The following ABHD17C variants were observed in gnomAD, a reference collection of about 807,000 sequenced individuals.
ABHD17C encodes abhydrolase domain containing 17C, depalmitoylase.
Under a neutral mutation model 27.9 loss-of-function variants are expected in ABHD17C, and 11 were observed. The ratio of observed to expected loss-of-function variants is 0.39; its 90% CI spans 0.25 to 0.65. The LOEUF is 0.65. Among genes scored for constraint, ABHD17C ranks in the 30% least tolerant of loss-of-function variants. The pLI is 0.45. For synonymous variants in ABHD17C, 233 were observed against 209.1 expected (o/e 1.11, Z -0.98); for missense variants, 280 against 470.2 (o/e 0.60, Z 3.74).
At chr15:80,738,936 A>C (rs1301674065) in intron 1 of ABHD17C, among the ~76,000 whole-genome samples, 1 of 152,180 alleles carries the variant, frequency 6.6e-6, no homozygotes, top group Non-Finnish European at 1.5e-5. Flanking sequence ...GCATTGGACA[A>C]GTTCTATTAA....
At chr15:80,699,434 C>T (rs1012890735) in intron 1 of ABHD17C, among the ~76,000 whole-genome samples, 1 of 151,934 alleles carries the variant, frequency 6.6e-6, no homozygotes, top group African/African-American at 2.4e-5. Context: ...AAAAAAGGGC[C>T]AGATGTATTG....
rs908971288 is a variant in ABHD17C at position 80,727,962 on chromosome 15, T to C, written c.591-21551T>C. ...TCATTGGTGGCTCCGTGGAGACTTA[T>C]GGCTCTGCACAGAGGGGCTTAGCTC... is the stretch of plus-strand genomic sequence containing the variant. On this transcript the variant is annotated intron_variant, in intron 1 of 2. Coordinates refer to ENST00000258884, the MANE Select transcript of ABHD17C (RefSeq NM_021214.2). 5.9e-5 allele frequency among the ~76,000 whole-genome samples: 9 copies of C among 152,120 alleles called. 1 individual carries two copies. The South Asian group carries it at 6.2e-4, about 11-fold the overall frequency.
Position 80,695,972 on chromosome 15 carries a change from G to A in ABHD17C, c.543G>A (p.Lys181=). 1 of 1,591,222 alleles carries A rather than the reference G, an allele frequency of 6.3e-7. No individual in the cohort carries two copies. The highest frequency in any genetic ancestry group is 2.2e-5 in the East Asian group (1 of 44,464). The change falls in exon 1 of 3, where the codon AAG becomes AAA. Residue 181 remains lysine (K), a synonymous_variant. Coordinates refer to ENST00000258884, the MANE Select transcript of ABHD17C (RefSeq NM_021214.2). This position sits in a 1 kb window ranked among gnomAD's most constrained non-coding sequence, Gnocchi z 4.3. ...YGVSSGKPSE[K]NLYADIDAAW... is the part of the protein sequence containing the mutation. ...TCAGCTCGGGCAAGCCCTCCGAGAA[G>A]AACCTCTACGCCGACATCGACGCCG...
At chr15:80,748,197 G>T (rs1419809022) in intron 1 of ABHD17C, among the ~76,000 whole-genome samples, 3 of 152,148 alleles carry the variant, frequency 2.0e-5, no homozygotes. Flanking sequence ...GGAGGAAGTT[G>T]GGCTGAAATC....
intron 1 of ABHD17C, among the ~76,000 whole-genome samples, chr15:80,730,375 A>G (rs1264146760): frequency 6.6e-6 from 1 of 152,178 alleles, no homozygotes; most frequent in East Asian, 1.9e-4. Flanking sequence ...TGCTGGGTGG[A>G]TGGGGATGGA....
At chr15:80,748,058 C>T (rs1349333668) in intron 1 of ABHD17C, among the ~76,000 whole-genome samples, 1 of 152,208 alleles carries the variant, frequency 6.6e-6, no homozygotes, top group Non-Finnish European at 1.5e-5. Context: ...AAGTCCTCAC[C>T]TCCATGTGTT....
At chr15:80,715,876 G>C (rs190006674) in intron 1 of ABHD17C, among the ~76,000 whole-genome samples, 5 of 152,024 alleles carry the variant, frequency 3.3e-5, no homozygotes, top group Non-Finnish European at 5.9e-5. Context: ...ATAAAGCAGT[G>C]TGTCCAAATG....
chr15:80,713,354 C>CTTTTTTTTTTTTTT lies in ABHD17C; in HGVS notation c.590+17350_590+17363dup, dbSNP rs67320992. Among the ~76,000 whole-genome samples, 238 of 43,842 alleles carry CTTTTTTTTTTTTTT rather than the reference C, an allele frequency of 5.4e-3. 45 individuals carry two copies. The highest frequency in any genetic ancestry group is 6.3e-3 in the South Asian group (4 of 640). The allele number at this position is 43,842 out of a possible 152,430, so 28.8% of individuals were successfully genotyped here. On this transcript the variant is annotated intron_variant, in intron 1 of 2. Transcript: ENST00000258884. ...GAAGGAAAGCCACTGAGGTCTTGTT[C>CTTTTTTTTTTTTTT]TTTTTTTTTTTTTTTTTTTTTTTTT...
intron 2 of ABHD17C, among the ~76,000 whole-genome samples, chr15:80,750,300 C>G (rs919255313): frequency 3.3e-5 from 5 of 152,180 alleles, no homozygotes; most frequent in African/African-American, 1.2e-4. Context: ...CTGCCACCCC[C>G]TATTCTGCTC....
rs565502299 is a variant in ABHD17C at position 80,716,376 on chromosome 15, G to A, written c.590+20357G>A. Among the ~76,000 whole-genome samples the A allele has an allele frequency of 2.9e-4, 44 of 151,678 alleles. No homozygotes were observed. In the South Asian group the frequency reaches 6.3e-3, roughly 22 times the overall value. ...GTCTCAAGACCACAGGGACAGCCGC[G>A]TAAGACAAGGCCTGTGACCTTGTTG... On this transcript the variant is annotated intron_variant, in intron 1 of 2. Coordinates refer to ENST00000258884, the MANE Select transcript of ABHD17C (RefSeq NM_021214.2).
intron 2 of ABHD17C, among the ~76,000 whole-genome samples, chr15:80,752,033 C>A (rs1895372303): frequency 6.6e-6 from 1 of 152,164 alleles, no homozygotes; most frequent in Non-Finnish European, 1.5e-5. Context: ...ATTATTATTT[C>A]ATTTATAGTT....
At position 80,695,622 on chromosome 15, in the gene ABHD17C, G is replaced by A. The variant is rs1338523192; in HGVS notation, c.193G>A (p.Ala65Thr). The change falls in exon 1 of 3, where the codon GCC (alanine) becomes ACC (threonine). Residue 65 changes from alanine to threonine, a missense_variant. Ala to Thr is a moderately conservative substitution (Grantham distance 58, BLOSUM62 0). Transcript: ENST00000258884. This position sits in a 1 kb window ranked among gnomAD's most constrained non-coding sequence, Gnocchi z 4.3. ...CCCGGCCCCGGCCCAGGCTACCGCCGCCGCCGCCGCGGCCCAGCCGGCACC... is the reference window on the plus strand; with the variant it reads ...CCCGGCCCCGGCCCAGGCTACCGCCACCGCCGCCGCGGCCCAGCCGGCACC... The part of the protein sequence containing the change: ...SAPAPAQATA[A>T]AAAAQPAPQQ... 8.4e-7 allele frequency: 1 copy of A among 1,185,570 alleles called. No homozygotes were observed. The allele number at this position is 1,185,570 out of a possible 1,614,324, so 73.4% of individuals were successfully genotyped here.
chr15:80,724,762 C>T (rs755778071), intron 1 of ABHD17C, among the ~76,000 whole-genome samples: 51 of 152,220 alleles, frequency 3.4e-4, no homozygotes, highest in Non-Finnish European at 5.9e-4. Flanking sequence ...CCCCCTCCTC[C>T]TCCTTCTCCT....
intron 1 of ABHD17C, among the ~76,000 whole-genome samples, chr15:80,743,278 T>C (rs749253639): frequency 2.6e-4 from 40 of 152,006 alleles, no homozygotes; most frequent in Admixed American, 2.6e-3. Flanking sequence ...GGAAGGAGAA[T>C]GGTCTGGCCT....
chr15:80,714,171 G>T (rs1894771951), intron 1 of ABHD17C, among the ~76,000 whole-genome samples: 1 of 152,000 alleles, frequency 6.6e-6, no homozygotes, highest in South Asian at 2.1e-4. Context: ...GTCCAGGCTG[G>T]TCTTGAATTT....
At chr15:80,746,992 G>A (rs1003050528) in intron 1 of ABHD17C, among the ~76,000 whole-genome samples, 5 of 152,138 alleles carry the variant, frequency 3.3e-5, no homozygotes, top group Non-Finnish European at 7.3e-5. Context: ...TTACCTGGAA[G>A]TCTTTTACTT....
intron 1 of ABHD17C, among the ~76,000 whole-genome samples, chr15:80,734,344 C>G (rs759352853): frequency 6.6e-6 from 1 of 152,172 alleles, no homozygotes; most frequent in Non-Finnish European, 1.5e-5. Flanking sequence ...GAGGAGGTAG[C>G]TTTCTAACCA....
chr15:80,728,341 C>G (rs988064359), intron 1 of ABHD17C, among the ~76,000 whole-genome samples: 2 of 152,166 alleles, frequency 1.3e-5, no homozygotes, highest in Admixed American at 6.5e-5. Flanking sequence ...CTTCTAAGAG[C>G]CAGGACTGCT....
intron 1 of ABHD17C, among the ~76,000 whole-genome samples, chr15:80,738,229 C>G (rs1415943697): frequency 6.6e-6 from 1 of 152,108 alleles, no homozygotes; most frequent in Non-Finnish European, 1.5e-5. Flanking sequence ...AATGGATTGA[C>G]ACCAGGTCAG....
Sources: allele counts gnomAD v4.1 joint callset (sites outside exome capture counted in the v4.1 genomes callset), GRCh38; gene constraint gnomAD v4.1.1; non-coding constraint Gnocchi (gnomAD v3.1); transcripts MANE v1.5; gene names NCBI Gene and HGNC (gene_info 2026-07-23, HGNC 2026-07-21).